MACROH2A2: variants seen among roughly 807,000 people sequenced by gnomAD.
The protein encoded by MACROH2A2 is macroH2A.2 histone.
Under a neutral mutation model 37.6 loss-of-function variants are expected in MACROH2A2, and 6 were observed. The observed-to-expected ratio is 0.16, with a 90% CI of 0.09 to 0.32. MACROH2A2 has a LOEUF of 0.32. MACROH2A2 is among the 10% of genes least tolerant of loss of function. The probability of loss-of-function intolerance (pLI) is 1.00; values close to 1 mark genes in which losing one functional copy is unlikely to be tolerated. For missense variants in MACROH2A2, 290 were observed against 485.9 expected, an observed-to-expected ratio of 0.60 and a Z score of 3.79; for synonymous variants, 192 against 202.7, an observed-to-expected ratio of 0.95 and a Z score of 0.45.
intron 7 of MACROH2A2, among the ~76,000 whole-genome samples, chr10:70,102,456 T>G (rs757553112): frequency 6.6e-5 from 10 of 152,292 alleles, no homozygotes; most frequent in Non-Finnish European, 8.8e-5. Flanking sequence ...CTGTGGCTCA[T>G]GCGTGTAATC....
intron 2 of MACROH2A2, among the ~76,000 whole-genome samples, chr10:70,079,551 T>TCG (rs778240404): frequency 0.03 from 3,391 of 113,646 alleles, 68 homozygotes; most frequent in Middle Eastern, 0.062. Flanking sequence ...CGTTGAGGGT[T>TCG]CGCGCGCGCG....
intron 8 of MACROH2A2, 120 bp from the exon 9 acceptor site, chr10:70,111,398 A>T: frequency 2.4e-6 from 2 of 823,396 alleles, no homozygotes; most frequent in Admixed American, 5.1e-5. Context: ...GTCAAAGGAG[A>T]TCATGCATGG....
At chr10:70,063,594 A>G (rs2072061555) in intron 1 of MACROH2A2, among the ~76,000 whole-genome samples, 1 of 152,184 alleles carries the variant, frequency 6.6e-6, no homozygotes, top group South Asian at 2.1e-4. Flanking sequence ...GTTTCTCCTC[A>G]GCAGCATACT....
At chr10:70,060,669 T>C (rs955469780) in intron 1 of MACROH2A2, among the ~76,000 whole-genome samples, 1 of 152,264 alleles carries the variant, frequency 6.6e-6, no homozygotes, top group Admixed American at 6.5e-5. Flanking sequence ...GAATCTCATC[T>C]TGGCTCAGAC....
chr10:70,097,540 A>G (rs527613668), intron 6 of MACROH2A2, among the ~76,000 whole-genome samples: 2 of 152,218 alleles, frequency 1.3e-5, no homozygotes, highest in Non-Finnish European at 2.9e-5. Flanking sequence ...GGAAAAGTCA[A>G]GCATACACAA....
At position 70,099,872 on chromosome 10, in the gene MACROH2A2, CAT is replaced by C. The variant is rs1179496092; in HGVS notation, c.689-335_689-334del. 2.6e-5 allele frequency among the ~76,000 whole-genome samples: 4 copies of C among 152,334 alleles called. No homozygotes were observed. The South Asian group carries it at 6.2e-4, about 24-fold the overall frequency. On this transcript the variant is annotated intron_variant, in intron 6 of 8. Coordinates refer to ENST00000373255, the MANE Select transcript of MACROH2A2 (RefSeq NM_018649.3). ...GGGACCAGGACTTCAGAGCTCTCCA[CAT>C]GAGTACTAAACCTGTGGGACACAAC...
intron 2 of MACROH2A2, among the ~76,000 whole-genome samples, chr10:70,085,669 T>A (rs1039658056): frequency 1.3e-5 from 2 of 152,232 alleles, no homozygotes; most frequent in African/African-American, 4.8e-5. Flanking sequence ...GAAATTCTTT[T>A]TACTGCTAGA....
rs771270073 is a variant in MACROH2A2 at position 70,109,015 on chromosome 10, T to A, written c.779-18T>A. 6.2e-7 allele frequency: 1 copy of A among 1,611,278 alleles called. No individual in the cohort carries two copies. The highest frequency in any genetic ancestry group is 8.5e-7 in the Non-Finnish European group (1 of 1,177,526). ...ACCTTAGGAAATAACCCGCGGCATT[T>A]TCTCTCCTATGTCCCAGCCGCCGTC... On this transcript the variant is annotated intron_variant, in intron 7 of 8. Transcript: ENST00000373255.
chr10:70,062,058 T>C (rs1036958375), intron 1 of MACROH2A2, among the ~76,000 whole-genome samples: 3 of 152,238 alleles, frequency 2.0e-5, no homozygotes, highest in Non-Finnish European at 2.9e-5. Context: ...TACAAAATAA[T>C]GCTAACAAAC....
At chr10:70,068,320 A>G (rs185436444) in intron 1 of MACROH2A2, among the ~76,000 whole-genome samples, 1 of 152,306 alleles carries the variant, frequency 6.6e-6, no homozygotes, top group East Asian at 1.9e-4. Flanking sequence ...TGATACCACT[A>G]GGGCAGAGGA....
At chr10:70,064,800 C>T (rs56653391) in intron 1 of MACROH2A2, among the ~76,000 whole-genome samples, 6,316 of 152,140 alleles carry the variant, frequency 0.042, 422 homozygotes, top group East Asian at 0.24. Flanking sequence ...CTAACGAAAA[C>T]TCTTTTTGTT....
chr10:70,071,582 G>A (rs1039498069), intron 1 of MACROH2A2, among the ~76,000 whole-genome samples: 1 of 152,206 alleles, frequency 6.6e-6, no homozygotes, highest in Non-Finnish European at 1.5e-5. Flanking sequence ...TACGTTCTGA[G>A]AAATGCATCG....
At chr10:70,092,032 A>T in intron 4 of MACROH2A2, 78 bp downstream of exon 4, 1 of 1,187,264 alleles carries the variant, frequency 8.4e-7, no homozygotes, top group Non-Finnish European at 1.2e-6. Flanking sequence ...CACAATTCAT[A>T]TGTTGAAACC....
intron 3 of MACROH2A2, among the ~76,000 whole-genome samples, chr10:70,090,695 C>T (rs2136634916): frequency 6.6e-6 from 1 of 152,210 alleles, no homozygotes; most frequent in East Asian, 1.9e-4. Context: ...GTGAAGAAGC[C>T]ATTTTTATGG....
At chr10:70,092,409 G>A (rs954019957) in intron 4 of MACROH2A2, among the ~76,000 whole-genome samples, 10 of 152,134 alleles carry the variant, frequency 6.6e-5, no homozygotes, top group Non-Finnish European at 7.4e-5. Context: ...CTCGAGCCTC[G>A]GTGACAGCGC....
chr10:70,068,171 T>C (rs1425365964), intron 1 of MACROH2A2, among the ~76,000 whole-genome samples: 1 of 152,218 alleles, frequency 6.6e-6, no homozygotes, highest in Non-Finnish European at 1.5e-5. Context: ...ATTTAAATAA[T>C]TTCTTTAACT....
chr10:70,084,100 C>T (rs1190612974), intron 2 of MACROH2A2, among the ~76,000 whole-genome samples: 3 of 152,136 alleles, frequency 2.0e-5, no homozygotes, highest in Admixed American at 2.0e-4. Flanking sequence ...CAGGACATCC[C>T]ATGAAATCAC....
intron 1 of MACROH2A2, among the ~76,000 whole-genome samples, chr10:70,069,534 C>T (rs1030975549): frequency 6.6e-6 from 1 of 152,112 alleles, no homozygotes; most frequent in Non-Finnish European, 1.5e-5. Context: ...CTGAACAGAG[C>T]CACGTGGCCT....
chr10:70,079,565 G>GCGCGCGCACGCA (rs1386558755), intron 2 of MACROH2A2, among the ~76,000 whole-genome samples: 68 of 126,262 alleles, frequency 5.4e-4, no homozygotes, highest in Middle Eastern at 4.0e-3. Flanking sequence ...GCGCGCGCGC[G>GCGCGCGCACGCA]CACACACACA....
Sources: allele counts gnomAD v4.1 joint callset (sites outside exome capture counted in the v4.1 genomes callset), GRCh38; gene constraint gnomAD v4.1.1; transcripts MANE v1.5; gene names NCBI Gene and HGNC (gene_info 2026-07-23, HGNC 2026-07-21).